Variants in INSR observed in about 807,000 individuals in gnomAD.
INSR encodes the protein insulin receptor.
In INSR, 67 loss-of-function variants were observed where a neutral mutation model predicts 142.6. That is an observed-to-expected ratio of 0.47 (90% CI 0.39 to 0.58). INSR has a LOEUF of 0.58. INSR is among the 20% of genes least tolerant of loss of function. The pLI is 0.00. For missense variants in INSR, 1,248 were observed against 1,833.2 expected (o/e 0.68, Z 5.83); for synonymous variants, 756 against 743.1 (o/e 1.02, Z -0.28).
chr19:7,284,070 T>C (rs1045587855), intron 1 of INSR, among the ~76,000 whole-genome samples: 9 of 151,966 alleles, frequency 5.9e-5, no homozygotes, highest in Non-Finnish European at 1.2e-4. Context: ...TTTTGTTTTT[T>C]TGGGTTTTTT....
At chr19:7,135,976 A>AAAAAAAAAAAAAG (rs60435269) in intron 13 of INSR, among the ~76,000 whole-genome samples, 51 of 146,564 alleles carry the variant, frequency 3.5e-4, no homozygotes, top group East Asian at 1.7e-3. Context: ...TCAAAAAAAA[A>AAAAAAAAAAAAAG]AAAGAAAGAA....
intron 1 of INSR, among the ~76,000 whole-genome samples, chr19:7,271,233 C>T (rs920569744): frequency 5.3e-5 from 8 of 152,158 alleles, no homozygotes; most frequent in African/African-American, 1.9e-4. Context: ...CCGTGGCTCA[C>T]ACTTGTAATC....
At position 7,163,925 on chromosome 19, in the gene INSR, T is replaced by TAAAAAAAAAAAAAAAAAAAAA. The variant is rs748862314; in HGVS notation, c.1862-747_1862-727dup. On this transcript the variant is annotated intron_variant, in intron 8 of 21. Coordinates refer to ENST00000302850, the MANE Select transcript of INSR (RefSeq NM_000208.4). Reference sequence around the variant, plus strand: ...CAACATGGTGAAACCCTATCTCTACTAAAAAAAAAAAAAAAAAAAAAAAAT... The same window carrying TAAAAAAAAAAAAAAAAAAAAA: ...CAACATGGTGAAACCCTATCTCTACTAAAAAAAAAAAAAAAAAAAAAAAAAAAAAAAAAAAAAAAAAAAAAT... 1.6e-4 allele frequency among the ~76,000 whole-genome samples: 7 copies of TAAAAAAAAAAAAAAAAAAAAA among 44,596 alleles called. 1 individual carries two copies. The highest frequency in any genetic ancestry group is 8.1e-4 in the African/African-American group (7 of 8,632). The allele number at this position is 44,596 out of a possible 152,430, so 29.3% of individuals were successfully genotyped here. A position where few individuals can be genotyped will look rare whatever the true frequency, so the allele number is the denominator to read the frequency against.
At chr19:7,261,964 T>A (rs1243832950) in intron 2 of INSR, among the ~76,000 whole-genome samples, 1 of 152,192 alleles carries the variant, frequency 6.6e-6, no homozygotes, top group African/African-American at 2.4e-5. Context: ...TCATCCTAAA[T>A]GTTGATGCAT....
chr19:7,151,319 AG>A (rs1438747666), intron 10 of INSR, among the ~76,000 whole-genome samples: 2 of 147,604 alleles, frequency 1.4e-5, no homozygotes, highest in East Asian at 4.0e-4. Flanking sequence ...TCTGTTGCCC[AG>A]GCTGGAGTGC....
At chr19:7,152,986 CACACACACA>C (rs1244006386) in intron 9 of INSR, 59 bp from the exon 10 acceptor site, 16 of 871,962 alleles carry the variant, frequency 1.8e-5, no homozygotes, top group Middle Eastern at 3.5e-4. Context: ...CACATACACA[CACACACACA>C]CCCCACACAC....
chr19:7,142,666 C>G, intron 12 of INSR, 150 bp downstream of exon 12: 1 of 943,570 alleles, frequency 1.1e-6, no homozygotes, highest in Non-Finnish European at 1.6e-6. Context: ...GTACTCCAGC[C>G]TGGGCGACAG....
intron 19 of INSR, among the ~76,000 whole-genome samples, chr19:7,121,621 C>T (rs919164678): frequency 1.3e-5 from 2 of 152,092 alleles, no homozygotes; most frequent in South Asian, 4.1e-4. Context: ...TGTGCACCAC[C>T]ACACCCCACT....
chr19:7,178,184 A>T (rs1974184769), intron 3 of INSR, among the ~76,000 whole-genome samples: 1 of 139,808 alleles, frequency 7.2e-6, no homozygotes, highest in Admixed American at 7.9e-5. Flanking sequence ...AAACCCTTGG[A>T]ACTTTCTGAG....
chr19:7,180,356 C>T (rs1974241629), intron 3 of INSR, among the ~76,000 whole-genome samples: 2 of 151,656 alleles, frequency 1.3e-5, no homozygotes, highest in Non-Finnish European at 2.9e-5. Flanking sequence ...ATAGCAAGAC[C>T]CCCAACACTA....
At chr19:7,148,351 G>C in intron 11 of INSR, among the ~76,000 whole-genome samples, 1 of 152,058 alleles carries the variant, frequency 6.6e-6, no homozygotes, top group Non-Finnish European at 1.5e-5. Flanking sequence ...TACTTTAGGG[G>C]GAAGACACAC....
chr19:7,219,606 GGGAGGGAGGGAA>G (rs974566080), intron 2 of INSR, among the ~76,000 whole-genome samples: 36 of 142,734 alleles, frequency 2.5e-4, no homozygotes, highest in Admixed American at 7.7e-4. Flanking sequence ...AAGGAAGGAA[GGGAGGGAGGGAA>G]GGAGGGAGGG....
At chr19:7,120,866 C>T (rs752446959) in intron 19 of INSR, 117 bp from the exon 20 acceptor site, 55 of 1,333,084 alleles carry the variant, frequency 4.1e-5, no homozygotes, top group Non-Finnish European at 5.2e-5. Flanking sequence ...CCCACGTCTG[C>T]GCTCACCTGG....
chr19:7,233,486 C>G (rs17175790), intron 2 of INSR, among the ~76,000 whole-genome samples: 1 of 151,898 alleles, frequency 6.6e-6, no homozygotes, highest in Non-Finnish European at 1.5e-5. Context: ...TCAGAAACTT[C>G]TACAAGCAAG....
At position 7,163,144 on chromosome 19, in the gene INSR, A is replaced by G; in HGVS notation, c.1917T>C (p.Ile639=). Residue 639 remains isoleucine (I), a synonymous_variant, in exon 9 of 22, where the codon ATT becomes ATC. Transcript: ENST00000302850. The stretch of plus-strand genomic sequence containing the variant: ...GGTCGGAGGGTGGTTTCCACTTCAG[A>G]ATAATCTGGGATGATGAGTTAGACA... ...ISVSNSSSQI[I]LKWKPPSDPN... The G allele has an allele frequency of 2.5e-6, 4 of 1,613,982 alleles. No homozygotes were observed. Among genetic ancestry groups the G allele is most frequent in the Non-Finnish European group, 3.4e-6 (4 of 1,179,928 alleles).
intron 1 of INSR, among the ~76,000 whole-genome samples, chr19:7,285,613 G>A (rs903177609): frequency 9.9e-5 from 15 of 152,000 alleles, no homozygotes; most frequent in African/African-American, 3.1e-4. Flanking sequence ...TCCAGCCTGG[G>A]TATCAGAGCA....
intron 13 of INSR, among the ~76,000 whole-genome samples, chr19:7,135,021 T>C (rs1451238105): frequency 7.4e-6 from 1 of 134,738 alleles, no homozygotes; most frequent in Non-Finnish European, 1.5e-5. Context: ...TCCAAGCTAA[T>C]AGTGCATGCA....
Position 7,174,167 on chromosome 19 carries a change from C to T in INSR, c.1123+416G>A, listed in dbSNP as rs1007938018. On this transcript the variant is annotated intron_variant, in intron 4 of 21. Coordinates refer to ENST00000302850, the MANE Select transcript of INSR (RefSeq NM_000208.4). ...ATTAGCCCGGCACAGTGACACCTGC[C>T]TGTACTCCCAGCTACTTGGGAGGCT... Among the ~76,000 whole-genome samples, 7 of 151,742 alleles carry T rather than the reference C, an allele frequency of 4.6e-5. 1 individual carries two copies. Among genetic ancestry groups the T allele is most frequent in the Admixed American group, 4.6e-4 (7 of 15,208 alleles).
rs34932589 is a variant in INSR at position 7,147,862 on chromosome 19, T to C, written c.2267+2635A>G. ...ATCAAACAGGCCAAATGAGTTTATATACCAAAAAGATTATAACCAAAAAGA... is the reference window on the plus strand; with the variant it reads ...ATCAAACAGGCCAAATGAGTTTATACACCAAAAAGATTATAACCAAAAAGA... On this transcript the variant is annotated intron_variant, in intron 11 of 21. Coordinates refer to ENST00000302850, the MANE Select transcript of INSR (RefSeq NM_000208.4). Among the ~76,000 whole-genome samples, 1,365 of 152,056 alleles carry C rather than the reference T, an allele frequency of 9.0e-3. 14 individuals are homozygous for C. Among genetic ancestry groups the C allele is most frequent in the Middle Eastern group, 0.034 (10 of 294 alleles).
Sources: allele counts gnomAD v4.1 joint callset (sites outside exome capture counted in the v4.1 genomes callset), GRCh38; gene constraint gnomAD v4.1.1; transcripts MANE v1.5; gene names NCBI Gene and HGNC (gene_info 2026-07-23, HGNC 2026-07-21).